Variants in TRMT1 observed in about 807,000 individuals in gnomAD.
TRMT1 encodes the protein tRNA (guanine(26)-N(2))-dimethyltransferase.
A neutral mutation model predicts 75.4 loss-of-function variants in TRMT1; 63 were observed. The ratio of observed to expected loss-of-function variants is 0.84; its 90% CI spans 0.68 to 1.03. The LOEUF (loss-of-function observed/expected upper bound fraction) is 1.03. Ranked by LOEUF, TRMT1 falls within the 50% of genes least tolerant of loss-of-function variation. The pLI, the probability that TRMT1 is intolerant of heterozygous loss-of-function variation, is 0.00. For synonymous variants in TRMT1, 382 were observed against 358.1 expected (o/e 1.07, Z -0.75); for missense variants, 870 against 905.3 (o/e 0.96, Z 0.50).
chr19:13,114,114 G>A (rs965521731), intron 5 of TRMT1, among the ~76,000 whole-genome samples: 7 of 152,160 alleles, frequency 4.6e-5, no homozygotes, highest in African/African-American at 1.7e-4. Flanking sequence ...TTTTTTCTCT[G>A]TAAAAGGTCA....
chr19:13,108,591 C>A (rs1226510859), intron 12 of TRMT1, among the ~76,000 whole-genome samples: 1 of 151,832 alleles, frequency 6.6e-6, no homozygotes, highest in Non-Finnish European at 1.5e-5. Context: ...CCACACCTGG[C>A]CTTTTTCTTT....
rs757899243 is a variant in TRMT1 at position 13,105,505 on chromosome 19, C to T, written c.1685G>A (p.Arg562Gln). ...CACTCACCCTGGCCGGGCACGAGGCCGGGGACCCCAGTTGGCCTCCGGGTT... is the reference window on the plus strand; with the variant it reads ...CACTCACCCTGGCCGGGCACGAGGCTGGGGACCCCAGTTGGCCTCCGGGTT... Reference protein sequence around the residue: ...QANPEANWGPRPRARPGGKAA... With the variant: ...QANPEANWGPQPRARPGGKAA... The change falls in exon 15 of 17, where the codon CGG (arginine) becomes CAG (glutamine). Residue 562 changes from arginine to glutamine, a missense_variant. Coordinates refer to ENST00000357720, the MANE Select transcript of TRMT1 (RefSeq NM_001136035.4). 58 of 1,613,920 alleles carry T rather than the reference C, an allele frequency of 3.6e-5. No individual in the cohort carries two copies. Among genetic ancestry groups the T allele is most frequent in the African/African-American group, 6.7e-5 (5 of 74,922 alleles).
intron 5 of TRMT1, 88 bp downstream of exon 5, chr19:13,115,191 C>G: frequency 7.0e-7 from 1 of 1,420,166 alleles, no homozygotes. Flanking sequence ...GTCACTCACT[C>G]AAGGTCACAG....
At chr19:13,116,522 AG>A (rs2019372215) in intron 1 of TRMT1, 91 bp from the exon 2 acceptor site, 2 of 1,356,364 alleles carry the variant, frequency 1.5e-6, no homozygotes, top group Admixed American at 2.6e-5. Context: ...GGTAGGGACT[AG>A]GAAAACCTGC....
Position 13,116,529 on chromosome 19 carries a change from C to A in TRMT1, c.-32-98G>T, listed in dbSNP as rs536097406. 6.9e-6 allele frequency: 9 copies of A among 1,301,610 alleles called. No homozygotes were observed. The South Asian group carries it at 1.0e-4, about 15-fold the overall frequency. 80.6% of individuals were successfully genotyped at this position (1,301,610 alleles called of 1,614,324 possible). A position where few individuals can be genotyped will look rare whatever the true frequency, so the allele number is the denominator to read the frequency against. Reference sequence around the variant, plus strand: ...ATCTATGAGGTAGGGACTAGGAAAACCTGCGGCCTCGGTAAGCTGATATCC... The same window carrying A: ...ATCTATGAGGTAGGGACTAGGAAAAACTGCGGCCTCGGTAAGCTGATATCC... On this transcript the variant is annotated intron_variant, in intron 1 of 16. Transcript: ENST00000357720.
intron 14 of TRMT1, among the ~76,000 whole-genome samples, chr19:13,106,578 C>T (rs1226560303): frequency 1.3e-5 from 2 of 149,444 alleles, no homozygotes; most frequent in South Asian, 2.1e-4. Context: ...CAGGTTCAAG[C>T]GATTCACCTG....
At chr19:13,114,656 C>A (rs561110680) in intron 5 of TRMT1, among the ~76,000 whole-genome samples, 1 of 146,998 alleles carries the variant, frequency 6.8e-6, no homozygotes, top group Non-Finnish European at 1.5e-5. Flanking sequence ...AGCGAGACTC[C>A]GTGTCAAAAA....
intron 14 of TRMT1, 115 bp downstream of exon 14, chr19:13,107,459 C>T (rs1217759523): frequency 7.8e-7 from 1 of 1,288,240 alleles, no homozygotes; most frequent in Non-Finnish European, 1.1e-6. Flanking sequence ...GATTTTGAAT[C>T]TCACTTGAAG....
chr19:13,113,775 A>G (rs1188744953), intron 5 of TRMT1, among the ~76,000 whole-genome samples: 3 of 151,056 alleles, frequency 2.0e-5, no homozygotes, highest in Non-Finnish European at 4.4e-5. Context: ...ATGCCTGGCT[A>G]ATTTTTATAT....
chr19:13,109,762 G>A lies in TRMT1; in HGVS notation c.1176+7C>T, dbSNP rs749898819. On this transcript the variant is annotated splice_region_variant and intron_variant, in intron 10 of 16. Transcript: ENST00000357720. ...TTGCTCCTTTGCCTCCCCTGGCCTA[G>A]CCCTACCTGGTGTCGTTGCCCACAG... 1 of 1,614,094 alleles carries A rather than the reference G, an allele frequency of 6.2e-7. No homozygotes were observed. Among genetic ancestry groups the A allele is most frequent in the East Asian group, 2.2e-5 (1 of 44,868 alleles).
chr19:13,116,135 C>A lies in TRMT1; in HGVS notation c.254+11G>T, dbSNP rs1486549107. 1.2e-6 allele frequency: 2 copies of A among 1,613,990 alleles called. No homozygotes were observed. The highest frequency in any genetic ancestry group is 1.7e-6 in the Non-Finnish European group (2 of 1,180,038). On this transcript the variant is annotated intron_variant, in intron 2 of 16. Transcript: ENST00000357720. Reference sequence around the variant, plus strand: ...TAGCCGATGCCAGGCTAACGTCTGACCCCTGCTCACGTCAGGTCCCGATTG... The same window carrying A: ...TAGCCGATGCCAGGCTAACGTCTGAACCCTGCTCACGTCAGGTCCCGATTG...
chr19:13,112,624 A>G, intron 7 of TRMT1, 81 bp downstream of exon 7: 1 of 1,369,138 alleles, frequency 7.3e-7, no homozygotes, highest in South Asian at 1.3e-5. Flanking sequence ...AGGTCTGAGG[A>G]GGGGGAAAGT....
rs1599920481 is a variant in TRMT1, at chr19:13,105,493, C to T, written c.1697G>A (p.Arg566Gln). The T allele has an allele frequency of 6.8e-6, 11 of 1,613,918 alleles. No individual in the cohort carries two copies. Among genetic ancestry groups the T allele is most frequent in the East Asian group, 2.2e-5 (1 of 44,884 alleles). The change falls in exon 15 of 17, where the codon CGG (arginine) becomes CAG (glutamine). Residue 566 changes from arginine to glutamine, a missense_variant. Transcript: ENST00000357720. ...CCACCTTACCACCACTCACCCTGGC[C>T]GGGCACGAGGCCGGGGACCCCAGTT... ...EANWGPRPRA[R>Q]PGGKAADEAM...
In TRMT1 at chr19:13,115,750, T is replaced by A; in HGVS notation, c.329A>T (p.Lys110Met). Residue 110 changes from lysine to methionine, a missense_variant, in exon 4 of 17, where the codon AAG (lysine) becomes ATG (methionine). Transcript: ENST00000357720. ...KGIQIKVPGEKDTQKVVVDLS... is the reference protein window; with the variant it reads ...KGIQIKVPGEMDTQKVVVDLS... ...GTCCACGACCACTTTTTGCGTGTCC[T>A]TCTCTCCTGGAACCTTGACTGCAGC... The A allele has an allele frequency of 6.2e-7, 1 of 1,614,000 alleles. No individual in the cohort carries two copies. Among genetic ancestry groups the A allele is most frequent in the South Asian group, 1.1e-5 (1 of 91,076 alleles).
chr19:13,116,454 G>A (rs1323619705), intron 1 of TRMT1, 23 bp from the exon 2 acceptor site: 5 of 1,564,074 alleles, frequency 3.2e-6, no homozygotes, highest in South Asian at 2.3e-5. Context: ...GCGGGGGAGG[G>A]CACAGAGAGG....
At position 13,116,052 on chromosome 19, in the gene TRMT1, T is replaced by G; in HGVS notation, c.255A>C (p.Thr85=). 1 of 1,613,956 alleles carries G rather than the reference T, an allele frequency of 6.2e-7. No homozygotes were observed. The highest frequency in any genetic ancestry group is 8.5e-7 in the Non-Finnish European group (1 of 1,179,982). ...GAGCAAACTCGGTGATCACAGCACA[T>G]CTGGTGGGAGACAGAGGACTAGCTC... ...NPVQEFNRDL[T]CAVITEFARI... Residue 85 remains threonine (T), a splice_region_variant and synonymous_variant, in exon 3 of 17, where the codon ACA becomes ACC. Coordinates refer to ENST00000357720, the MANE Select transcript of TRMT1 (RefSeq NM_001136035.4).
At chr19:13,106,936 G>A (rs900252763) in intron 14 of TRMT1, among the ~76,000 whole-genome samples, 14 of 148,298 alleles carry the variant, frequency 9.4e-5, no homozygotes, top group African/African-American at 3.2e-4. Context: ...CCATTCTCCT[G>A]TCTCAGCCTC....
intron 5 of TRMT1, among the ~76,000 whole-genome samples, chr19:13,114,593 C>T (rs796220081): frequency 2.6e-5 from 4 of 152,146 alleles, no homozygotes; most frequent in African/African-American, 9.6e-5. Flanking sequence ...ACCTGGGAGG[C>T]GGAGGTTGCA....
chr19:13,105,621 G>T lies in TRMT1; in HGVS notation c.1584-15C>A. ...TGGCCTGCAGCCTAGGGAAGCAGGGGTGGGGCGTTGGGGCTGGGGGAAGCT... is the reference window on the plus strand; with the variant it reads ...TGGCCTGCAGCCTAGGGAAGCAGGGTTGGGGCGTTGGGGCTGGGGGAAGCT... On this transcript the variant is annotated splice_polypyrimidine_tract_variant and intron_variant, in intron 14 of 16. Transcript: ENST00000357720. 6.2e-7 allele frequency: 1 copy of T among 1,607,800 alleles called. No homozygotes were observed. Among genetic ancestry groups the T allele is most frequent in the Non-Finnish European group, 8.5e-7 (1 of 1,177,320 alleles).
Sources: gnomAD v4.1 joint callset for allele counts (sites outside exome capture counted in the v4.1 genomes callset) on GRCh38, gnomAD v4.1.1 for gene constraint, MANE v1.5 for transcripts, NCBI Gene and HGNC (gene_info 2026-07-23, HGNC 2026-07-21) for gene names.